HNRNPL: variants seen among roughly 807,000 people sequenced by gnomAD.
The protein encoded by HNRNPL is epididymis secretory sperm binding protein.
In HNRNPL, 12 loss-of-function variants were observed where a neutral mutation model predicts 64.0. That is an observed-to-expected ratio of 0.19 (90% CI 0.12 to 0.30). The LOEUF (loss-of-function observed/expected upper bound fraction) is 0.30. Ranked by LOEUF, HNRNPL falls within the 10% of genes least tolerant of loss-of-function variation. HNRNPL has a pLI of 1.00. For missense variants in HNRNPL, 484 were observed against 797.4 expected, an observed-to-expected ratio of 0.61 and a Z score of 4.73; for synonymous variants, 385 against 313.0, an observed-to-expected ratio of 1.23 and a Z score of -2.43.
chr19:38,838,647 T>C, intron 9 of HNRNPL, 49 bp from the exon 10 acceptor site: 2 of 1,568,156 alleles, frequency 1.3e-6, no homozygotes, highest in Middle Eastern at 1.7e-4. Flanking sequence ...AAGTTGTCCC[T>C]GAAGCTTTCC....
chr19:38,842,929 C>T (rs896913617), intron 6 of HNRNPL, among the ~76,000 whole-genome samples: 1 of 152,230 alleles, frequency 6.6e-6, no homozygotes, highest in Non-Finnish European at 1.5e-5. Flanking sequence ...GGTACATTCA[C>T]TTGGTCACCA....
chr19:38,838,529 T>C lies in HNRNPL; in HGVS notation c.1425A>G (p.Lys475=), dbSNP rs142011792. The stretch of plus-strand genomic sequence containing the variant: ...GATTGTTCCGGGATTCACTGAAGTC[T>C]TTGTAACTGCAAGACCCGTCTTCCA... The part of the protein sequence containing the change: ...YGLEDGSCSY[K]DFSESRNNRF... The change falls in exon 10 of 13, where the codon AAA becomes AAG. Residue 475 remains lysine, a synonymous_variant. Coordinates refer to ENST00000221419, the MANE Select transcript of HNRNPL (RefSeq NM_001533.3). 4.1e-5 allele frequency: 66 copies of C among 1,614,062 alleles called. No homozygotes were observed. Among genetic ancestry groups the C allele is most frequent in the Non-Finnish European group, 5.3e-5 (63 of 1,180,028 alleles).
In HNRNPL at chr19:38,840,153, A is replaced by G; in HGVS notation, c.1176T>C (p.Ser392=). 6.9e-7 allele frequency: 1 copy of G among 1,450,960 alleles called. No individual in the cohort carries two copies. Among genetic ancestry groups the G allele is most frequent in the Non-Finnish European group, 9.3e-7 (1 of 1,077,950 alleles). 89.9% of individuals were successfully genotyped at this position (1,450,960 alleles called of 1,614,324 possible). A position where few individuals can be genotyped will look rare whatever the true frequency, so the allele number is the denominator to read the frequency against. The change falls in exon 8 of 13, where the codon TCT becomes TCC. Residue 392 remains serine (S), a synonymous_variant. Transcript: ENST00000221419. Reference sequence around the variant, plus strand: ...TGAAGACTCGGTCACAGTTCATCTTAGATTGATCCAAGCCATAGACCATGA... The same window carrying G: ...TGAAGACTCGGTCACAGTTCATCTTGGATTGATCCAAGCCATAGACCATGA... ...PVLMVYGLDQ[S]KMNCDRVFNV... is the part of the protein sequence containing the mutation.
At chr19:38,843,818 G>A (rs1371959065) in intron 6 of HNRNPL, 24 bp downstream of exon 6, 1 of 1,597,486 alleles carries the variant, frequency 6.3e-7, no homozygotes. Context: ...GGTATGTTTA[G>A]AACAAAGTGG....
At position 38,836,385 on chromosome 19, in the gene HNRNPL, A is replaced by C. The variant is rs1568365416; in HGVS notation, c.*337T>G. ...AAAGCAGACATCCTGGAATCCCAGC[A>C]AGTGCTGTGTTTATTTTCCAAACAA... On this transcript the variant is annotated 3_prime_UTR_variant, in exon 13 of 13. Transcript: ENST00000221419. The C allele has an allele frequency of 4.8e-6, 1 of 208,950 alleles. No individual in the cohort carries two copies. Among genetic ancestry groups the C allele is most frequent in the East Asian group, 1.3e-4 (1 of 7,962 alleles). 12.9% of individuals were successfully genotyped at this position (208,950 alleles called of 1,614,324 possible).
In HNRNPL at chr19:38,836,708, TC is replaced by T. The variant is rs770883447; in HGVS notation, c.*13del. On this transcript the variant is annotated 3_prime_UTR_variant, in exon 13 of 13. Transcript: ENST00000221419. ...TGTCTTCCTGCTCAGATGGGACTCT[TC>T]CTAGGCACCTAATTAGGAGGCGTGC... The T allele has an allele frequency of 4.7e-4, 749 of 1,595,970 alleles. 7 individuals carry two copies. The highest frequency in any genetic ancestry group is 2.7e-3 in the Middle Eastern group (16 of 6,020).
rs1321732943 is a variant in HNRNPL at position 38,843,931 on chromosome 19, A to G, written c.808-17T>C. Reference sequence around the variant, plus strand: ...GCGTGTAGGCTGCAAGGACAGGACAAGACAAGACTTGAGGTCAGCCATGCC... The same window carrying G: ...GCGTGTAGGCTGCAAGGACAGGACAGGACAAGACTTGAGGTCAGCCATGCC... On this transcript the variant is annotated splice_polypyrimidine_tract_variant and intron_variant, in intron 5 of 12. Coordinates refer to ENST00000221419, the MANE Select transcript of HNRNPL (RefSeq NM_001533.3). The G allele has an allele frequency of 2.5e-6, 4 of 1,613,932 alleles. No individual in the cohort carries two copies. The South Asian group carries it at 4.4e-5, about 18-fold the overall frequency.
At chr19:38,849,632 A>C in intron 1 of HNRNPL, 68 bp downstream of exon 1, 1 of 1,292,180 alleles carries the variant, frequency 7.7e-7, no homozygotes, top group Non-Finnish European at 9.8e-7. Context: ...CAAAAAATAA[A>C]ATGCCCTCAA....
chr19:38,837,432 C>T lies in HNRNPL; in HGVS notation c.1663G>A (p.Ala555Thr). The T allele has an allele frequency of 6.2e-7, 1 of 1,614,236 alleles. No individual in the cohort carries two copies. ...TTCAGGAAGCCCAGAGTCTCCAGGG[C>T]ATCGCTCTTGGATTCCCACTCCAGC... ...GLLEWESKSD[A>T]LETLGFLNHY... is the part of the protein sequence containing the mutation. The change falls in exon 12 of 13, where the codon GCC (alanine) becomes ACC (threonine). Residue 555 changes from alanine (A) to threonine (T), a missense_variant. Physicochemically the swap from Ala to Thr is moderately conservative, Grantham distance 58. This residue lies in a region of HNRNPL where 69 missense variants were observed against 91.8 expected (regional missense o/e 0.75). Coordinates refer to ENST00000221419, the MANE Select transcript of HNRNPL (RefSeq NM_001533.3).
At chr19:38,840,457 G>A in intron 7 of HNRNPL, 31 bp downstream of exon 7, 2 of 1,570,846 alleles carry the variant, frequency 1.3e-6, no homozygotes, top group Non-Finnish European at 1.7e-6. Flanking sequence ...TGAGCCACGG[G>A]AGTCCACGGA....
chr19:38,837,320 G>T, intron 12 of HNRNPL, 64 bp downstream of exon 12: 1 of 1,291,784 alleles, frequency 7.7e-7, no homozygotes, highest in Non-Finnish European at 1.1e-6. Flanking sequence ...GGACATCCCT[G>T]GCCTGAAGCC....
At chr19:38,851,317 G>A (rs367934406), upstream of HNRNPL, among the ~76,000 whole-genome samples, 6 of 152,262 alleles carry the variant, frequency 3.9e-5, no homozygotes, top group East Asian at 3.8e-4. Flanking sequence ...CGGAGCCTGG[G>A]GGGTGGAGAG....
intron 3 of HNRNPL, 41 bp from the exon 4 acceptor site, chr19:38,845,776 G>C (rs375843560): frequency 1.9e-6 from 3 of 1,599,264 alleles, no homozygotes; most frequent in African/African-American, 1.3e-5. Flanking sequence ...GGCACTGGCA[G>C]ATCAGTCTGG....
chr19:38,838,986 G>A lies in HNRNPL; in HGVS notation c.1263C>T (p.Ala421=), dbSNP rs148046358. Reference sequence around the variant, plus strand: ...AGCCATCAGCCATCTCCACCATGGCGGCCCCCGGCTTGCTTTTCATGAATT... The same window carrying A: ...AGCCATCAGCCATCTCCACCATGGCAGCCCCCGGCTTGCTTTTCATGAATT... The part of the protein sequence containing the change: ...KVKFMKSKPG[A]AMVEMADGYA... The change falls in exon 9 of 13, where the codon GCC becomes GCT. Residue 421 remains alanine (A), a synonymous_variant. Transcript: ENST00000221419. 4.0e-5 allele frequency: 65 copies of A among 1,614,098 alleles called. No homozygotes were observed. Among genetic ancestry groups the A allele is most frequent in the African/African-American group, 2.5e-4 (19 of 75,014 alleles).
chr19:38,838,791 T>C, intron 9 of HNRNPL, 103 bp downstream of exon 9: 1 of 1,483,678 alleles, frequency 6.7e-7, no homozygotes, highest in Non-Finnish European at 9.3e-7. Flanking sequence ...CCCATTTCTG[T>C]GTGAGTCAAC....
chr19:38,841,328 A>G (rs1288545475), intron 6 of HNRNPL: 1 of 345,364 alleles, frequency 2.9e-6, no homozygotes, highest in African/African-American at 2.1e-5. Context: ...GTAGGTTCTG[A>G]TATTTCAGCC....
rs950367372 is a variant in HNRNPL, at chr19:38,840,573, A to T, written c.881-14T>A. 6.4e-7 allele frequency: 1 copy of T among 1,569,906 alleles called. No homozygotes were observed. The highest frequency in any genetic ancestry group is 1.9e-5 in the Admixed American group (1 of 53,520). On this transcript the variant is annotated splice_polypyrimidine_tract_variant and intron_variant, in intron 6 of 12. Transcript: ENST00000221419. ...TGCCAGGGTCACCTGTGGAGAGAGA[A>T]AACAGTTAGGAGTCTCACTCAGAAA... is the stretch of plus-strand genomic sequence containing the variant.
intron 2 of HNRNPL, among the ~76,000 whole-genome samples, chr19:38,847,072 C>A (rs1972322763): frequency 6.6e-6 from 1 of 152,154 alleles, no homozygotes; most frequent in Non-Finnish European, 1.5e-5. Flanking sequence ...AGACCTTGCT[C>A]TGTCTGAAAA....
At chr19:38,843,607 T>C in intron 6 of HNRNPL, 1 of 544,048 alleles carries the variant, frequency 1.8e-6, no homozygotes, top group Non-Finnish European at 3.3e-6. Context: ...CATCCAGGCT[T>C]CTGCCTTGCC....
Sources: allele counts gnomAD v4.1 joint callset (sites outside exome capture counted in the v4.1 genomes callset), GRCh38; gene constraint gnomAD v4.1.1; regional missense constraint gnomAD v4.1.1; transcripts MANE v1.5; gene names NCBI Gene and HGNC (gene_info 2026-07-23, HGNC 2026-07-21).